The following SLC15A1 variants were observed in gnomAD, a reference collection of about 807,000 sequenced individuals.
SLC15A1 encodes the protein Caco-2 oligopeptide transporter.
A neutral mutation model predicts 92.9 loss-of-function variants in SLC15A1; 83 were observed. The ratio of observed to expected loss-of-function variants is 0.89; its 90% CI spans 0.75 to 1.07. SLC15A1 has a LOEUF of 1.07. Ranked by LOEUF, SLC15A1 falls within the 50% of genes least tolerant of loss-of-function variation. The pLI is 0.00. For missense variants in SLC15A1, 857 were observed against 880.1 expected, an observed-to-expected ratio of 0.97 and a Z score of 0.33; for synonymous variants, 322 against 318.2, an observed-to-expected ratio of 1.01 and a Z score of -0.13.
intron 1 of SLC15A1, among the ~76,000 whole-genome samples, chr13:98,730,327 C>T (rs2088340045): frequency 6.7e-6 from 1 of 149,294 alleles, no homozygotes; most frequent in Non-Finnish European, 1.5e-5. Flanking sequence ...TCTTTTTAGT[C>T]CTTGTCCTAA....
rs2088312321 is a variant in SLC15A1 at position 98,727,539 on chromosome 13, A to G, written c.5-680T>C. Among the ~76,000 whole-genome samples the G allele has an allele frequency of 2.0e-5, 3 of 152,308 alleles. No individual in the cohort carries two copies. In the South Asian group the frequency reaches 6.2e-4, roughly 32 times the overall value. Reference sequence around the variant, plus strand: ...GGGGGTTATGTCACAAGAATGAATGAGAAGAGCAGGAAGAAACAGCCTGAG... The same window carrying G: ...GGGGGTTATGTCACAAGAATGAATGGGAAGAGCAGGAAGAAACAGCCTGAG... On this transcript the variant is annotated intron_variant, in intron 1 of 22. Transcript: ENST00000376503.
intron 1 of SLC15A1, among the ~76,000 whole-genome samples, chr13:98,751,863 G>A (rs1176860317): frequency 1.3e-5 from 2 of 152,236 alleles, no homozygotes; most frequent in Non-Finnish European, 2.9e-5. Context: ...ACAACTTTGG[G>A]AAGCTGACTG....
intron 18 of SLC15A1, among the ~76,000 whole-genome samples, chr13:98,698,545 A>AT (rs1566444984): frequency 6.6e-6 from 1 of 152,132 alleles, no homozygotes; most frequent in Admixed American, 6.6e-5. Flanking sequence ...ATGTTCAAGC[A>AT]TTTCTTCTGC....
intron 18 of SLC15A1, among the ~76,000 whole-genome samples, chr13:98,701,377 TC>T (rs758502807): frequency 3.9e-5 from 6 of 152,214 alleles, no homozygotes; most frequent in Non-Finnish European, 5.9e-5. Context: ...TTTGTTTTTG[TC>T]CTGTGTCCTG....
At position 98,703,539 on chromosome 13, in the gene SLC15A1, C is replaced by CTTTT. The variant is rs771426478; in HGVS notation, c.1416+746_1416+749dup. ...TATACCTTTGTAGCTGCTGCTGCTGCTTTTTTTTTTTTTTTTTTTTTTTTT... is the reference window on the plus strand; with the variant it reads ...TATACCTTTGTAGCTGCTGCTGCTGCTTTTTTTTTTTTTTTTTTTTTTTTTTTTT... On this transcript the variant is annotated intron_variant, in intron 17 of 22. Transcript: ENST00000376503. Among the ~76,000 whole-genome samples, 111 of 85,506 alleles carry CTTTT rather than the reference C, an allele frequency of 1.3e-3. 7 individuals carry two copies. Among genetic ancestry groups the CTTTT allele is most frequent in the African/African-American group, 3.2e-3 (49 of 15,198 alleles). The allele number at this position is 85,506 out of a possible 152,430, so 56.1% of individuals were successfully genotyped here. A position where few individuals can be genotyped will look rare whatever the true frequency, so the allele number is the denominator to read the frequency against.
rs2087907213 is a variant in SLC15A1, at chr13:98,683,843, A to G, written c.*881T>C. On this transcript the variant is annotated 3_prime_UTR_variant, in exon 23 of 23. Coordinates refer to ENST00000376503, the MANE Select transcript of SLC15A1 (RefSeq NM_005073.4). ...TTTCACACCATTGAAACTTCAAAAA[A>G]ATCATTACTGGCCTTCACCTGAGCT... 6.6e-6 allele frequency: 1 copy of G among 152,248 alleles called. No individual in the cohort carries two copies. The highest frequency in any genetic ancestry group is 1.5e-5 in the Non-Finnish European group (1 of 68,042). 9.4% of individuals were successfully genotyped at this position (152,248 alleles called of 1,614,324 possible). A position where few individuals can be genotyped will look rare whatever the true frequency, so the allele number is the denominator to read the frequency against.
At chr13:98,693,097 T>C (rs963115353) in intron 18 of SLC15A1, among the ~76,000 whole-genome samples, 1 of 136,082 alleles carries the variant, frequency 7.3e-6, no homozygotes, top group Non-Finnish European at 1.6e-5. Flanking sequence ...GTTTTTTTTT[T>C]TTTTTTTTTT....
intron 1 of SLC15A1, among the ~76,000 whole-genome samples, chr13:98,730,293 G>A (rs975452438): frequency 1.6e-5 from 2 of 127,578 alleles, no homozygotes; most frequent in Non-Finnish European, 3.3e-5. Flanking sequence ...AGGGGAAGGG[G>A]AGGGGAAGGG....
At position 98,690,305 on chromosome 13, in the gene SLC15A1, C is replaced by G. The variant is rs115166419; in HGVS notation, c.1467-1728G>C. 2.2e-3 allele frequency among the ~76,000 whole-genome samples: 329 copies of G among 152,260 alleles called. 3 individuals carry two copies. The highest frequency in any genetic ancestry group is 7.8e-3 in the African/African-American group (322 of 41,540). The stretch of plus-strand genomic sequence containing the variant: ...ATGAATTAAACTCAGGTCCTGAAGT[C>G]CCGAGGCCTTCTACTTGGTGTCATT... On this transcript the variant is annotated intron_variant, in intron 18 of 22. Transcript: ENST00000376503.
At chr13:98,733,666 C>T (rs1210713234) in intron 1 of SLC15A1, among the ~76,000 whole-genome samples, 1 of 152,198 alleles carries the variant, frequency 6.6e-6, no homozygotes, top group Non-Finnish European at 1.5e-5. Context: ...CTCAGTATTG[C>T]CCCTGCATCT....
At chr13:98,720,318 A>C (rs1259933216) in intron 7 of SLC15A1, among the ~76,000 whole-genome samples, 1 of 152,216 alleles carries the variant, frequency 6.6e-6, no homozygotes, top group Non-Finnish European at 1.5e-5. Flanking sequence ...ACTTCCTTTT[A>C]AAAAATTATC....
intron 16 of SLC15A1, among the ~76,000 whole-genome samples, chr13:98,704,977 T>C (rs1330014088): frequency 6.6e-6 from 1 of 151,976 alleles, no homozygotes; most frequent in Non-Finnish European, 1.5e-5. Context: ...GGCAGGCCAA[T>C]CTCTTGAGGA....
intron 8 of SLC15A1, 120 bp downstream of exon 8, chr13:98,719,117 A>C: frequency 4.4e-6 from 3 of 686,088 alleles, no homozygotes; most frequent in Non-Finnish European, 7.8e-6. Context: ...TCTGATGCCA[A>C]TTCTTCTCAC....
chr13:98,689,925 C>A (rs1324660501), intron 18 of SLC15A1, among the ~76,000 whole-genome samples: 1 of 152,208 alleles, frequency 6.6e-6, no homozygotes, highest in African/African-American at 2.4e-5. Context: ...CATATGGAAG[C>A]AGGTGAATTG....
intron 18 of SLC15A1, among the ~76,000 whole-genome samples, chr13:98,697,732 A>G (rs1033209383): frequency 1.3e-5 from 2 of 152,078 alleles, no homozygotes; most frequent in East Asian, 3.8e-4. Context: ...CAGGCAAGCA[A>G]CAACTTGGAA....
chr13:98,707,756 G>A (rs762167148), intron 15 of SLC15A1, among the ~76,000 whole-genome samples: 26 of 151,732 alleles, frequency 1.7e-4, no homozygotes, highest in Non-Finnish European at 3.1e-4. Context: ...TTAGTCGAGT[G>A]TGGTGGTGCA....
intron 18 of SLC15A1, among the ~76,000 whole-genome samples, chr13:98,698,669 T>C (rs2088042778): frequency 6.6e-6 from 1 of 152,180 alleles, no homozygotes; most frequent in African/African-American, 2.4e-5. Context: ...ACTCCTGACC[T>C]CAGGTGATCC....
intron 15 of SLC15A1, 137 bp from the exon 16 acceptor site, chr13:98,706,390 G>A: frequency 1.1e-6 from 1 of 915,758 alleles, no homozygotes; most frequent in Non-Finnish European, 1.7e-6. Context: ...CTCCCACTAA[G>A]CTGCCAATCA....
intron 1 of SLC15A1, among the ~76,000 whole-genome samples, chr13:98,742,102 T>C (rs902204941): frequency 1.3e-5 from 2 of 152,152 alleles, no homozygotes; most frequent in African/African-American, 2.4e-5. Flanking sequence ...CGCCTGGTGG[T>C]CCTCCCAGAA....
Sources: gnomAD v4.1 joint callset for allele counts (sites outside exome capture counted in the v4.1 genomes callset) on GRCh38, gnomAD v4.1.1 for gene constraint, MANE v1.5 for transcripts, NCBI Gene and HGNC (gene_info 2026-07-23, HGNC 2026-07-21) for gene names.